C3orf20: variants seen among roughly 807,000 people sequenced by gnomAD.
C3orf20 encodes the protein uncharacterized protein C3orf20.
In C3orf20, 76 loss-of-function variants were observed where a neutral mutation model predicts 88.3. The observed-to-expected ratio is 0.86, with a 90% confidence interval of 0.72 to 1.04. The LOEUF (loss-of-function observed/expected upper bound fraction) is 1.04. Among genes scored for constraint, C3orf20 ranks in the 50% least tolerant of loss-of-function variants. The pLI, the probability that C3orf20 is intolerant of heterozygous loss-of-function variation, is 0.00. For missense variants in C3orf20, 1,056 were observed against 1,123.3 expected, an observed-to-expected ratio of 0.94 and a Z score of 0.86; for synonymous variants, 436 against 437.4, an observed-to-expected ratio of 1.00 and a Z score of 0.04.
chr3:14,678,180 T>C (rs114261861), intron 1 of C3orf20, among the ~76,000 whole-genome samples: 138 of 152,298 alleles, frequency 9.1e-4, no homozygotes, highest in African/African-American at 3.2e-3. Flanking sequence ...AATGACCTTT[T>C]TTCTACCTAA....
Position 14,702,586 on chromosome 3 carries a change from G to A in C3orf20, c.746-544G>A, listed in dbSNP as rs887274383. 7.2e-5 allele frequency among the ~76,000 whole-genome samples: 11 copies of A among 152,102 alleles called. No homozygotes were observed. The South Asian group carries it at 1.5e-3, about 20-fold the overall frequency. On this transcript the variant is annotated intron_variant, in intron 5 of 16. Coordinates refer to ENST00000253697, the MANE Select transcript of C3orf20 (RefSeq NM_032137.5). ...CTCCTGAGTAGCTGGAACTACAGGT[G>A]CACACCAGCACGCCCAGTTAATTTT... is the stretch of plus-strand genomic sequence containing the variant.
chr3:14,683,027 C>G lies in C3orf20; in HGVS notation c.314C>G (p.Pro105Arg). The G allele has an allele frequency of 1.2e-6, 2 of 1,612,692 alleles. No individual in the cohort carries two copies. Residue 105 changes from proline (P) to arginine (R), a missense_variant, in exon 3 of 17, where the codon CCA becomes CGA. Coordinates refer to ENST00000253697, the MANE Select transcript of C3orf20 (RefSeq NM_032137.5). ...CCACCACCACCAGCACCACCACGTC[C>G]AGTGCTGCTGGCAACCACTGGGGCA... ...LPPPPPAPPR[P>R]VLLATTGAAK...
At chr3:14,695,928 C>T (rs1029158559) in intron 5 of C3orf20, among the ~76,000 whole-genome samples, 4 of 151,832 alleles carry the variant, frequency 2.6e-5, no homozygotes, top group African/African-American at 9.7e-5. Context: ...TTTATCCATC[C>T]AACAACCCTA....
intron 4 of C3orf20, among the ~76,000 whole-genome samples, chr3:14,688,529 C>CAAAAAAAAAAAAAA (rs35979290): frequency 9.5e-6 from 1 of 105,806 alleles, no homozygotes; most frequent in Non-Finnish European, 1.8e-5. Context: ...GAGACTGTCT[C>CAAAAAAAAAAAAAA]AAAAAAAAAA....
At chr3:14,750,302 C>A (rs1362503169) in intron 12 of C3orf20, among the ~76,000 whole-genome samples, 2 of 152,124 alleles carry the variant, frequency 1.3e-5, no homozygotes, top group East Asian at 1.9e-4. Flanking sequence ...ATAATCCCAG[C>A]ACTTTGGGAG....
chr3:14,728,036 C>T (rs929266661), intron 11 of C3orf20, among the ~76,000 whole-genome samples: 6 of 152,052 alleles, frequency 3.9e-5, no homozygotes, highest in African/African-American at 1.4e-4. Context: ...AAATACAATA[C>T]AACAAAGAAA....
At chr3:14,677,961 C>T (rs1162129466) in intron 1 of C3orf20, among the ~76,000 whole-genome samples, 1 of 39,032 alleles carries the variant, frequency 2.6e-5, no homozygotes, top group East Asian at 6.1e-4. Context: ...CAGATGCCTC[C>T]TTTGTTTGCC....
intron 12 of C3orf20, among the ~76,000 whole-genome samples, chr3:14,752,487 G>A (rs1575153486): frequency 6.6e-6 from 1 of 152,138 alleles, no homozygotes; most frequent in African/African-American, 2.4e-5. Flanking sequence ...ATAGATAAAT[G>A]GGATCTAATC....
intron 4 of C3orf20, among the ~76,000 whole-genome samples, chr3:14,684,766 AGTGCTCACCTTCAGTTTTT>A (rs2032307764): frequency 2.0e-5 from 3 of 152,250 alleles, no homozygotes; most frequent in Non-Finnish European, 2.9e-5. Context: ...CAGGCCTCTC[AGTGCTCACCTTCAGTTTTT>A]GTGCTCACCT....
At position 14,772,402 on chromosome 3, in the gene C3orf20, G is replaced by A. The variant is rs2035885818; in HGVS notation, c.2630+201G>A. ...GCTGCTCGCAGTGGTCTGGGTGGTA[G>A]AGATGGAGGCCTTTTGTAGACTTTG... On this transcript the variant is annotated intron_variant, in intron 16 of 16. Transcript: ENST00000253697. This position sits in a 1 kb window ranked among gnomAD's most constrained non-coding sequence, Gnocchi z 4.2. Among the ~76,000 whole-genome samples the A allele has an allele frequency of 6.6e-6, 1 of 152,234 alleles. No individual in the cohort carries two copies. The highest frequency in any genetic ancestry group is 1.9e-4 in the East Asian group (1 of 5,192).
chr3:14,681,879 G>C (rs548053850), intron 1 of C3orf20, among the ~76,000 whole-genome samples: 25 of 152,068 alleles, frequency 1.6e-4, no homozygotes, highest in Non-Finnish European at 3.2e-4. Context: ...TATAAGTTAA[G>C]AAGGTAAGAA....
intron 10 of C3orf20, among the ~76,000 whole-genome samples, chr3:14,724,298 C>A (rs2034274693): frequency 6.6e-6 from 1 of 152,138 alleles, no homozygotes. Context: ...ATTTTTCTGG[C>A]AACCTCTTGT....
At chr3:14,698,964 C>A (rs2033130697) in intron 5 of C3orf20, among the ~76,000 whole-genome samples, 1 of 152,186 alleles carries the variant, frequency 6.6e-6, no homozygotes, top group South Asian at 2.1e-4. Flanking sequence ...TGTACTGTGG[C>A]TGAGCTGGCA....
chr3:14,690,254 T>G, intron 5 of C3orf20, 138 bp downstream of exon 5: 1 of 1,216,536 alleles, frequency 8.2e-7, no homozygotes, highest in South Asian at 1.5e-5. Context: ...CGGCTCTGCC[T>G]GGAGATCCAG....
intron 9 of C3orf20, 100 bp from the exon 10 acceptor site, chr3:14,721,553 C>T (rs1223312308): frequency 4.0e-6 from 6 of 1,494,410 alleles, no homozygotes; most frequent in South Asian, 1.3e-5. Flanking sequence ...AAATCTTCTG[C>T]CCCAAGCCAA....
intron 12 of C3orf20, among the ~76,000 whole-genome samples, chr3:14,733,861 GTAT>G (rs2034617745): frequency 1.3e-5 from 2 of 151,988 alleles, no homozygotes; most frequent in African/African-American, 4.8e-5. Flanking sequence ...GCTAATTTTT[GTAT>G]TTTTAGTAGG....
chr3:14,726,619 T>G (rs555461141), intron 10 of C3orf20, among the ~76,000 whole-genome samples: 2 of 152,282 alleles, frequency 1.3e-5, no homozygotes, highest in Admixed American at 1.3e-4. Flanking sequence ...AAGTGCTAAC[T>G]TCCATCTTCA....
rs777909269 is a variant in C3orf20, at chr3:14,728,475, AG to A, written c.1729del (p.Glu577LysfsTer8). On this transcript the variant is annotated frameshift_variant, in exon 12 of 17. Coordinates refer to ENST00000253697, the MANE Select transcript of C3orf20 (RefSeq NM_032137.5). LOFTEE classifies it high-confidence loss of function. ...ATTGAATATCCCACCAAAAAGGAGG[AG>A]GAAGAATTTGTTCGGTTCAAGATGA... ...FTIEYPTKKE[E>X]EEFVRFKMRS... is the part of the protein sequence containing the mutation. The A allele has an allele frequency of 5.6e-6, 9 of 1,614,028 alleles. No homozygotes were observed. The highest frequency in any genetic ancestry group is 1.7e-5 in the Admixed American group (1 of 60,002).
chr3:14,714,182 A>G, intron 8 of C3orf20, 23 bp downstream of exon 8: 1 of 1,611,756 alleles, frequency 6.2e-7, no homozygotes, highest in Non-Finnish European at 8.5e-7. Flanking sequence ...GGAGAGTACT[A>G]GTCACACGGA....
Sources: gnomAD v4.1 joint callset for allele counts (sites outside exome capture counted in the v4.1 genomes callset) on GRCh38, gnomAD v4.1.1 for gene constraint, Gnocchi (gnomAD v3.1) non-coding constraint, MANE v1.5 for transcripts, NCBI Gene and HGNC (gene_info 2026-07-23, HGNC 2026-07-21) for gene names.